CFAP20DC: variants seen among roughly 807,000 people sequenced by gnomAD.
The protein encoded by CFAP20DC is CFAP20 domain containing.
Under a neutral mutation model 101.7 loss-of-function variants are expected in CFAP20DC, and 84 were observed. The ratio of observed to expected loss-of-function variants is 0.83; its 90% CI spans 0.69 to 0.99. CFAP20DC has a LOEUF of 0.99. Ranked by LOEUF, CFAP20DC falls within the 50% of genes least tolerant of loss-of-function variation. The pLI, the probability that CFAP20DC is intolerant of heterozygous loss-of-function variation, is 0.00. For synonymous variants in CFAP20DC, 359 were observed against 351.2 expected, an observed-to-expected ratio of 1.02 and a Z score of -0.25; for missense variants, 1,007 against 970.3, an observed-to-expected ratio of 1.04 and a Z score of -0.50.
Position 58,742,552 on chromosome 3 carries a change from CCA to C in CFAP20DC, c.2351_2352del (p.Val784GlyfsTer12). ...AAAGTCAGTACTTCCTCGTCCTCTT[CCA>C]CACTGAGGTCTTCTTCACCTGTGGG... is the stretch of plus-strand genomic sequence containing the variant. ...LSVQGEEDLS[V>X]EEDEEVLTLL... On this transcript the variant is annotated frameshift_variant, in exon 17 of 17. Coordinates refer to ENST00000482387, the MANE Select transcript of CFAP20DC (RefSeq NM_001394063.1). LOFTEE classifies it high-confidence loss of function. The C allele has an allele frequency of 1.2e-6, 2 of 1,604,176 alleles. No homozygotes were observed. Among genetic ancestry groups the C allele is most frequent in the Non-Finnish European group, 1.7e-6 (2 of 1,175,050 alleles).
At chr3:58,731,964 C>A (rs4681902) in intron 3 of CFAP20DC, among the ~76,000 whole-genome samples, 7,622 of 152,250 alleles carry the variant, frequency 0.05, 334 homozygotes, top group Admixed American at 0.13. Flanking sequence ...AATTCCTGAG[C>A]CTGTTTGTGC....
chr3:58,984,703 G>C (rs988782714), intron 4 of CFAP20DC, among the ~76,000 whole-genome samples: 1 of 152,116 alleles, frequency 6.6e-6, no homozygotes, highest in Non-Finnish European at 1.5e-5. Context: ...TACAGAGAAG[G>C]AACAAAAAGA....
At chr3:58,941,639 G>T (rs531723057) in intron 4 of CFAP20DC, among the ~76,000 whole-genome samples, 5 of 151,840 alleles carry the variant, frequency 3.3e-5, no homozygotes, top group African/African-American at 1.2e-4. Context: ...CATGATCTTG[G>T]CTCACTGCAA....
intron 15 of CFAP20DC, among the ~76,000 whole-genome samples, chr3:58,769,425 G>A (rs746752784): frequency 3.5e-4 from 53 of 152,154 alleles, no homozygotes; most frequent in Non-Finnish European, 6.5e-4. Flanking sequence ...TGACTGAATC[G>A]TGTCTGGCCA....
At chr3:58,801,334 C>G (rs1359520439) in intron 15 of CFAP20DC, among the ~76,000 whole-genome samples, 1 of 152,018 alleles carries the variant, frequency 6.6e-6, no homozygotes, top group Non-Finnish European at 1.5e-5. Flanking sequence ...CGATTTAGTG[C>G]AAAAATCTGG....
chr3:59,008,980 C>T (rs2093513183), intron 4 of CFAP20DC, among the ~76,000 whole-genome samples: 1 of 151,846 alleles, frequency 6.6e-6, no homozygotes, highest in Non-Finnish European at 1.5e-5. Context: ...ACAGTGAACC[C>T]ACCCACACAC....
At chr3:58,750,255 G>A (rs1016267859) in intron 16 of CFAP20DC, among the ~76,000 whole-genome samples, 1 of 152,142 alleles carries the variant, frequency 6.6e-6, no homozygotes, top group Non-Finnish European at 1.5e-5. Flanking sequence ...TATGTATCAG[G>A]CAGAGTATAT....
downstream of CFAP20DC, among the ~76,000 whole-genome samples, chr3:58,716,725 T>C (rs2067404685): frequency 6.6e-6 from 1 of 152,166 alleles, no homozygotes; most frequent in African/African-American, 2.4e-5. Flanking sequence ...CCATTGGGTC[T>C]GCTGGATCCT....
At chr3:58,811,391 A>C (rs2074617581) in intron 14 of CFAP20DC, among the ~76,000 whole-genome samples, 1 of 152,090 alleles carries the variant, frequency 6.6e-6, no homozygotes, top group African/African-American at 2.4e-5. Flanking sequence ...AGCCCTCAGA[A>C]ATAACGCCGC....
chr3:58,886,309 G>A (rs1403819931), intron 6 of CFAP20DC, among the ~76,000 whole-genome samples: 1 of 152,228 alleles, frequency 6.6e-6, no homozygotes, highest in South Asian at 2.1e-4. Context: ...AGACAGTAAA[G>A]AGCCACAATA....
Position 58,913,875 on chromosome 3 carries a change from G to A in CFAP20DC, c.394-11C>T. Reference sequence around the variant, plus strand: ...GCATAGATTGCACCACTAAAATAGAGAGATGCAAAGAAGAGTAAGGACCTT... The same window carrying A: ...GCATAGATTGCACCACTAAAATAGAAAGATGCAAAGAAGAGTAAGGACCTT... On this transcript the variant is annotated splice_polypyrimidine_tract_variant and intron_variant, in intron 5 of 16. Coordinates refer to ENST00000482387, the MANE Select transcript of CFAP20DC (RefSeq NM_001394063.1). This position sits in a 1 kb window ranked among gnomAD's most constrained non-coding sequence, Gnocchi z 4.4. 6.2e-7 allele frequency: 1 copy of A among 1,612,944 alleles called. No homozygotes were observed. Among genetic ancestry groups the A allele is most frequent in the South Asian group, 1.1e-5 (1 of 91,012 alleles).
rs142580438 is a variant in CFAP20DC, at chr3:58,989,509, C to T, written c.278+50048G>A. On this transcript the variant is annotated intron_variant, in intron 4 of 16. Transcript: ENST00000482387. ...ATAAGTAGTTCATGACCAAAGATTT[C>T]AAGATTCATTAATAAACTTTTTTAG... 4.5e-3 allele frequency among the ~76,000 whole-genome samples: 686 copies of T among 152,120 alleles called. 5 individuals are homozygous for T. The highest frequency in any genetic ancestry group is 0.016 in the African/African-American group (671 of 41,520).
chr3:58,963,624 A>T (rs2091326019), intron 4 of CFAP20DC, among the ~76,000 whole-genome samples: 1 of 152,166 alleles, frequency 6.6e-6, no homozygotes, highest in East Asian at 1.9e-4. Flanking sequence ...CTGTTTTTTT[A>T]ATCCCCCTTC....
intron 5 of CFAP20DC, among the ~76,000 whole-genome samples, chr3:58,931,117 A>G (rs552056795): frequency 6.6e-6 from 1 of 152,062 alleles, no homozygotes; most frequent in African/African-American, 2.4e-5. Context: ...CCAGGAGATT[A>G]TATCACACAC....
At chr3:58,922,782 G>A (rs556710604) in intron 5 of CFAP20DC, among the ~76,000 whole-genome samples, 52 of 152,064 alleles carry the variant, frequency 3.4e-4, no homozygotes, top group African/African-American at 1.2e-3. Context: ...ACAAATGGGC[G>A]AAGATAGTTA....
At chr3:58,976,261 T>A (rs2092269969) in intron 4 of CFAP20DC, among the ~76,000 whole-genome samples, 1 of 152,182 alleles carries the variant, frequency 6.6e-6, no homozygotes, top group African/African-American at 2.4e-5. Flanking sequence ...ATCCTAATTC[T>A]GGAAGGAGGC....
rs1255414187 is a variant in CFAP20DC at position 58,914,689 on chromosome 3, TA to T, written c.394-826del. Among the ~76,000 whole-genome samples, 5 of 148,506 alleles carry T rather than the reference TA, an allele frequency of 3.4e-5. No individual in the cohort carries two copies. The highest frequency in any genetic ancestry group is 3.9e-4 in the East Asian group (2 of 5,152). On this transcript the variant is annotated intron_variant, in intron 5 of 16. Transcript: ENST00000482387. The surrounding 1 kb of genome is among the most constrained non-coding windows in gnomAD (Gnocchi z 4.9). Reference sequence around the variant, plus strand: ...TCCTGTATATATAAATATATATATATATATTTTTTTTCTTTTTTTTAAAGAC... The same window carrying T: ...TCCTGTATATATAAATATATATATATTATTTTTTTTCTTTTTTTTAAAGAC...
chr3:58,995,210 C>T (rs937853346), intron 4 of CFAP20DC, among the ~76,000 whole-genome samples: 5 of 152,176 alleles, frequency 3.3e-5, no homozygotes, highest in East Asian at 1.9e-4. Flanking sequence ...AGCCTGCCTT[C>T]CTCTGCCCCA....
intron 15 of CFAP20DC, among the ~76,000 whole-genome samples, chr3:58,766,846 C>T (rs1315310285): frequency 1.3e-5 from 2 of 152,206 alleles, no homozygotes; most frequent in Admixed American, 6.5e-5. Context: ...TCTACTGTCC[C>T]TTGGCCTGGT....
Sources: gnomAD v4.1 joint callset for allele counts (sites outside exome capture counted in the v4.1 genomes callset) on GRCh38, gnomAD v4.1.1 for gene constraint, Gnocchi (gnomAD v3.1) non-coding constraint, MANE v1.5 for transcripts, NCBI Gene and HGNC (gene_info 2026-07-23, HGNC 2026-07-21) for gene names.